The following MGAT4C variants were observed in gnomAD, a reference collection of about 807,000 sequenced individuals.
MGAT4C encodes MGAT4 family member C, also known as alpha-1,3-mannosyl-glycoprotein 4-beta-N-acetylglucosaminyltransferase C.
A neutral mutation model predicts 40.1 loss-of-function variants in MGAT4C; 19 were observed. The ratio of observed to expected loss-of-function variants is 0.47; its 90% CI spans 0.33 to 0.70. MGAT4C has a LOEUF of 0.70. MGAT4C is among the 30% of genes least tolerant of loss of function. The probability of loss-of-function intolerance (pLI) is 0.02; values close to 1 mark genes in which losing one functional copy is unlikely to be tolerated. For synonymous variants in MGAT4C, 181 were observed against 187.1 expected, an observed-to-expected ratio of 0.97 and a Z score of 0.27; for missense variants, 491 against 563.2, an observed-to-expected ratio of 0.87 and a Z score of 1.30.
chr12:86,674,445 C>G (rs1964340507), intron 2 of MGAT4C, among the ~76,000 whole-genome samples: 1 of 152,194 alleles, frequency 6.6e-6, no homozygotes, highest in Admixed American at 6.5e-5. Flanking sequence ...CCTGTAATCC[C>G]AGCACTTTGT....
intron 1 of MGAT4C, among the ~76,000 whole-genome samples, chr12:86,114,398 A>T (rs1435054867): frequency 1.3e-5 from 2 of 151,866 alleles, no homozygotes; most frequent in African/African-American, 4.8e-5. Flanking sequence ...TAACTCTTCA[A>T]CAGAGGTTTG....
At chr12:86,521,901 G>C (rs1177296990) in intron 2 of MGAT4C, among the ~76,000 whole-genome samples, 4 of 152,106 alleles carry the variant, frequency 2.6e-5, no homozygotes, top group Admixed American at 1.3e-4. Context: ...TTGGCTATTG[G>C]CTAGATTGTT....
At chr12:86,157,221 T>C (rs1885057352) in intron 1 of MGAT4C, among the ~76,000 whole-genome samples, 1 of 152,210 alleles carries the variant, frequency 6.6e-6, no homozygotes, top group Non-Finnish European at 1.5e-5. Context: ...ACTAAGTAGA[T>C]GATTACATTT....
intron 1 of MGAT4C, among the ~76,000 whole-genome samples, chr12:86,239,942 G>A (rs564515728): frequency 6.0e-4 from 90 of 149,770 alleles, no homozygotes; most frequent in Non-Finnish European, 7.0e-4. Context: ...CACGTTAGTG[G>A]GTGCAGCGCA....
At chr12:86,383,549 C>CAAAAAA (rs1159593477) in intron 3 of MGAT4C, among the ~76,000 whole-genome samples, 2 of 49,858 alleles carry the variant, frequency 4.0e-5, no homozygotes, top group Non-Finnish European at 6.3e-5. Flanking sequence ...CACTTCGTCT[C>CAAAAAA]AAAAAAAAAA....
intron 1 of MGAT4C, among the ~76,000 whole-genome samples, chr12:86,255,403 C>T (rs1259138301): frequency 6.6e-6 from 1 of 152,086 alleles, no homozygotes; most frequent in Non-Finnish European, 1.5e-5. Flanking sequence ...TTCTCTGTCA[C>T]ATTCAATCAC....
intron 1 of MGAT4C, among the ~76,000 whole-genome samples, chr12:86,228,831 A>G (rs2136008461): frequency 6.6e-6 from 1 of 152,076 alleles, no homozygotes; most frequent in African/African-American, 2.4e-5. Context: ...TGTTAAGATC[A>G]GCAAAGTGAA....
At chr12:86,585,039 C>T (rs1016659551) in intron 2 of MGAT4C, among the ~76,000 whole-genome samples, 1 of 151,282 alleles carries the variant, frequency 6.6e-6, no homozygotes, top group African/African-American at 2.4e-5. Context: ...TATGGTTCAA[C>T]CATTATTTTA....
chr12:86,805,433 G>A (rs1166544350), intron 1 of MGAT4C, among the ~76,000 whole-genome samples: 4 of 151,916 alleles, frequency 2.6e-5, no homozygotes, highest in Middle Eastern at 6.8e-3. Flanking sequence ...AGTACCCAGT[G>A]TTTAGCTCCC....
intron 3 of MGAT4C, among the ~76,000 whole-genome samples, chr12:86,355,678 G>A (rs1321535864): frequency 6.6e-6 from 1 of 151,874 alleles, no homozygotes; most frequent in Non-Finnish European, 1.5e-5. Flanking sequence ...TAAGAATAAA[G>A]GTGGAATAAA....
At chr12:86,137,865 C>T (rs946842963) in intron 1 of MGAT4C, among the ~76,000 whole-genome samples, 8 of 152,122 alleles carry the variant, frequency 5.3e-5, no homozygotes, top group East Asian at 1.9e-4. Flanking sequence ...GAGCTGACTT[C>T]GGCAAATACC....
At position 86,705,195 on chromosome 12, in the gene MGAT4C, A is replaced by G. The variant is rs183552952; in HGVS notation, c.-229+22014T>C. Among the ~76,000 whole-genome samples the G allele has an allele frequency of 2.0e-3, 299 of 149,920 alleles. 1 individual carries two copies. Among genetic ancestry groups the G allele is most frequent in the Non-Finnish European group, 3.1e-3 (211 of 67,562 alleles). ...CCAAGGTTTTCTAAACTCTCTAATT[A>G]TCTATCTATCTGTCTATTATCTCTA... On this transcript the variant is annotated intron_variant, in intron 2 of 7. Coordinates refer to the MGAT4C transcript ENST00000548651.
chr12:86,528,842 A>G (rs963368023), intron 2 of MGAT4C, among the ~76,000 whole-genome samples: 5 of 152,014 alleles, frequency 3.3e-5, no homozygotes, highest in African/African-American at 1.2e-4. Context: ...TTGACAGTTG[A>G]TAATTGAAGC....
intron 3 of MGAT4C, among the ~76,000 whole-genome samples, chr12:86,419,542 G>T (rs1243426245): frequency 1.3e-5 from 2 of 151,982 alleles, no homozygotes; most frequent in Non-Finnish European, 2.9e-5. Flanking sequence ...AAATTAAGAG[G>T]CCTATTCTGA....
At chr12:86,527,257 A>G (rs1958900384) in intron 2 of MGAT4C, among the ~76,000 whole-genome samples, 1 of 152,194 alleles carries the variant, frequency 6.6e-6, no homozygotes, top group Admixed American at 6.5e-5. Context: ...ACATTTATTG[A>G]AAATACTGTT....
intron 3 of MGAT4C, among the ~76,000 whole-genome samples, chr12:86,420,010 AT>A (rs11320834): frequency 0.82 from 123,913 of 151,528 alleles, 50,895 homozygotes; most frequent in South Asian, 0.93. Flanking sequence ...AAAGACCATA[AT>A]TTTTTTTTTA....
chr12:86,278,178 CTTTTTTTT>C (rs57981698), intron 4 of MGAT4C, among the ~76,000 whole-genome samples: 1 of 99,938 alleles, frequency 1.0e-5, no homozygotes, highest in Non-Finnish European at 1.9e-5. Context: ...TGTTGACTTC[CTTTTTTTT>C]TTTTTTTTTT....
intron 1 of MGAT4C, among the ~76,000 whole-genome samples, chr12:86,219,358 G>A (rs1173333541): frequency 1.3e-5 from 1 of 77,350 alleles, no homozygotes; most frequent in Non-Finnish European, 3.1e-5. Flanking sequence ...AAAATGATGA[G>A]GTGACTGTTC....
chr12:86,144,090 G>A (rs1883203737), intron 1 of MGAT4C, among the ~76,000 whole-genome samples: 1 of 152,194 alleles, frequency 6.6e-6, no homozygotes, highest in African/African-American at 2.4e-5. Context: ...AGGTGGCTGG[G>A]CATCCAGGAG....
Sources: allele counts gnomAD v4.1 joint callset (sites outside exome capture counted in the v4.1 genomes callset), GRCh38; gene constraint gnomAD v4.1.1; transcripts MANE v1.5; gene names NCBI Gene and HGNC (gene_info 2026-07-23, HGNC 2026-07-21).